Variants in DMXL1 observed in about 807,000 individuals in gnomAD.
DMXL1 encodes the protein Dmx like 1, also known as dmX-like protein 1.
In DMXL1, 99 loss-of-function variants were observed where a neutral mutation model predicts 319.2. That is an observed-to-expected ratio of 0.31 (90% confidence interval 0.26 to 0.37). The LOEUF (loss-of-function observed/expected upper bound fraction) is 0.37, where lower values mean the gene tolerates loss of function less well. Among genes scored for constraint, DMXL1 ranks in the 10% least tolerant of loss-of-function variants. DMXL1 has a pLI of 1.00. For synonymous variants in DMXL1, 1,385 were observed against 1,235.2 expected (o/e 1.12, Z -2.54); for missense variants, 3,745 against 3,595.6 (o/e 1.04, Z -1.06).
intron 19 of DMXL1, among the ~76,000 whole-genome samples, chr5:119,156,291 G>T (rs1293794750): frequency 3.9e-5 from 6 of 152,160 alleles, no homozygotes; most frequent in African/African-American, 1.4e-4. Flanking sequence ...TTTAATTAAG[G>T]TATGTACACT....
intron 39 of DMXL1, among the ~76,000 whole-genome samples, 195 bp downstream of exon 39, chr5:119,233,662 T>C (rs1035629011): frequency 6.6e-6 from 1 of 152,170 alleles, no homozygotes; most frequent in Non-Finnish European, 1.5e-5. Context: ...AGGTGTCCAT[T>C]AAAACTCAGT....
At chr5:119,074,393 G>C (rs1750345257) in intron 1 of DMXL1, among the ~76,000 whole-genome samples, 2 of 152,038 alleles carry the variant, frequency 1.3e-5, no homozygotes, top group African/African-American at 4.8e-5. Flanking sequence ...TATTCCTTTT[G>C]GTACTTTGTG....
intron 7 of DMXL1, 48 bp from the exon 8 acceptor site, chr5:119,118,767 A>G: frequency 7.1e-7 from 1 of 1,407,232 alleles, no homozygotes; most frequent in Non-Finnish European, 9.8e-7. Context: ...TTTCTGTGAT[A>G]CTATGTGAAA....
chr5:119,205,199 T>A (rs1037931964), intron 33 of DMXL1, among the ~76,000 whole-genome samples: 1 of 152,120 alleles, frequency 6.6e-6, no homozygotes, highest in Non-Finnish European at 1.5e-5. Flanking sequence ...AAAAATCTTA[T>A]TTTTCTACTG....
intron 1 of DMXL1, among the ~76,000 whole-genome samples, chr5:119,073,860 CT>C (rs1242813123): frequency 9.2e-5 from 14 of 151,858 alleles, no homozygotes; most frequent in Non-Finnish European, 1.8e-4. Context: ...TGAAATCGCC[CT>C]TTTTTCTTCT....
chr5:119,227,646 T>G (rs1360434336), intron 38 of DMXL1, among the ~76,000 whole-genome samples: 1 of 152,166 alleles, frequency 6.6e-6, no homozygotes. Context: ...TCTTATTTGC[T>G]CTGTCAGCCT....
intron 2 of DMXL1, among the ~76,000 whole-genome samples, chr5:119,099,630 A>C (rs1027128703): frequency 6.6e-6 from 1 of 152,206 alleles, no homozygotes; most frequent in Non-Finnish European, 1.5e-5. Flanking sequence ...GGAGCTGGTT[A>C]ATGTTAAAAA....
intron 13 of DMXL1, among the ~76,000 whole-genome samples, chr5:119,140,351 TTAA>T (rs1236327814): frequency 6.6e-6 from 1 of 152,028 alleles, no homozygotes; most frequent in Non-Finnish European, 1.5e-5. Context: ...TTTGAAAAGA[TTAA>T]TAAGATAAGT....
chr5:119,116,885 C>T (rs1050862278), intron 7 of DMXL1, among the ~76,000 whole-genome samples: 9 of 152,064 alleles, frequency 5.9e-5, no homozygotes, highest in African/African-American at 1.9e-4. Flanking sequence ...CACAGTGACA[C>T]ACACATACAT....
chr5:119,124,880 T>C (rs1763165614), intron 9 of DMXL1, among the ~76,000 whole-genome samples: 1 of 152,148 alleles, frequency 6.6e-6, no homozygotes, highest in African/African-American at 2.4e-5. Flanking sequence ...ATTTTTCTTT[T>C]ATTGTGGATC....
At chr5:119,125,164 G>C (rs564993514) in intron 9 of DMXL1, among the ~76,000 whole-genome samples, 2 of 152,244 alleles carry the variant, frequency 1.3e-5, no homozygotes, top group Admixed American at 6.5e-5. Flanking sequence ...GTGAATTTTT[G>C]ACAGTAGAAA....
intron 4 of DMXL1, among the ~76,000 whole-genome samples, chr5:119,109,411 G>C (rs764923611): frequency 6.6e-6 from 1 of 151,942 alleles, no homozygotes; most frequent in Non-Finnish European, 1.5e-5. Context: ...ATCCAATTTT[G>C]TAACAACTCC....
chr5:119,245,844 G>A (rs1289268584), intron 43 of DMXL1, among the ~76,000 whole-genome samples: 1 of 151,364 alleles, frequency 6.6e-6, no homozygotes, highest in Non-Finnish European at 1.5e-5. Flanking sequence ...ACCTGGCCTA[G>A]ATTGGTTCTT....
Position 119,233,459 on chromosome 5 carries a change from G to A in DMXL1, c.8458G>A (p.Gly2820Arg). The A allele has an allele frequency of 6.2e-7, 1 of 1,609,170 alleles. No individual in the cohort carries two copies. The highest frequency in any genetic ancestry group is 8.5e-7 in the Non-Finnish European group (1 of 1,176,456). Residue 2820 changes from glycine (G) to arginine (R), a missense_variant, in exon 39 of 44, where the codon GGA becomes AGA. Coordinates refer to ENST00000539542, the MANE Select transcript of DMXL1 (RefSeq NM_001290321.3). ...TACAAGAATGAGATTTAACTATCAG[G>A]GAAATAAGGTATTATATAAAAATGT... ...RVTRMRFNYQGNKFGIVDADG... is the reference protein window; with the variant it reads ...RVTRMRFNYQRNKFGIVDADG...
In DMXL1 at chr5:119,240,584, T is replaced by C. The variant is rs1788592614; in HGVS notation, c.8704+113T>C. 3 of 791,058 alleles carry C rather than the reference T, an allele frequency of 3.8e-6. No individual in the cohort carries two copies. The East Asian group carries it at 7.7e-5, about 20-fold the overall frequency. The allele number at this position is 791,058 out of a possible 1,614,324, so 49.0% of individuals were successfully genotyped here. A position where few individuals can be genotyped will look rare whatever the true frequency, so the allele number is the denominator to read the frequency against. ...ACATATATTTATTAACCCATGAGATTTCTTTTGCCCAGGATGGCAGGATTT... is the reference window on the plus strand; with the variant it reads ...ACATATATTTATTAACCCATGAGATCTCTTTTGCCCAGGATGGCAGGATTT... On this transcript the variant is annotated intron_variant, in intron 42 of 43. Coordinates refer to ENST00000539542, the MANE Select transcript of DMXL1 (RefSeq NM_001290321.3).
chr5:119,125,575 T>G (rs377400785), intron 9 of DMXL1, among the ~76,000 whole-genome samples: 1 of 152,178 alleles, frequency 6.6e-6, no homozygotes, highest in Non-Finnish European at 1.5e-5. Flanking sequence ...ATTATTGTTA[T>G]TATTTTTGAG....
At chr5:119,147,028 T>A in intron 16 of DMXL1, 72 bp downstream of exon 16, 1 of 1,534,490 alleles carries the variant, frequency 6.5e-7, no homozygotes, top group Non-Finnish European at 8.9e-7. Flanking sequence ...AATTAGATAA[T>A]TTGGGACATA....
At chr5:119,175,236 A>C (rs373367565) in intron 25 of DMXL1, 25 bp from the exon 26 acceptor site, 4 of 1,581,670 alleles carry the variant, frequency 2.5e-6, no homozygotes, top group Non-Finnish European at 1.7e-6. Flanking sequence ...GTTATACTTA[A>C]AGTAATTTTG....
chr5:119,141,349 A>G (rs897513042), intron 13 of DMXL1, among the ~76,000 whole-genome samples: 6 of 152,146 alleles, frequency 3.9e-5, no homozygotes, highest in Non-Finnish European at 7.4e-5. Flanking sequence ...TATCTAGATA[A>G]CCCTATGTCT....
Sources: gnomAD v4.1 joint callset for allele counts (sites outside exome capture counted in the v4.1 genomes callset) on GRCh38, gnomAD v4.1.1 for gene constraint, MANE v1.5 for transcripts, NCBI Gene and HGNC (gene_info 2026-07-23, HGNC 2026-07-21) for gene names.